Variants in ASIP observed in about 807,000 individuals in gnomAD.
ASIP encodes agouti signaling protein, also known as agouti-signaling protein.
In ASIP, 11 loss-of-function variants were observed where a neutral mutation model predicts 10.3. The ratio of observed to expected loss-of-function variants is 1.07; its 90% CI spans 0.68 to 1.78. The LOEUF is 1.78. Among genes scored for constraint, ASIP ranks in the 40% most tolerant of loss-of-function variants. The pLI is 0.00. For missense variants in ASIP, 180 were observed against 169.2 expected (o/e 1.06, Z -0.35); for synonymous variants, 70 against 70.8 (o/e 0.99, Z 0.06).
intron 1 of ASIP, among the ~76,000 whole-genome samples, chr20:34,252,655 G>C (rs571673162): frequency 6.6e-6 from 1 of 152,082 alleles, no homozygotes; most frequent in Non-Finnish European, 1.5e-5. Context: ...CTGCAAAGAG[G>C]CCTCCCTCTT....
Position 34,269,030 on chromosome 20 carries a change from C to G in ASIP, c.262C>G (p.Pro88Ala), listed in dbSNP as rs780888249. ...GAAGAAAGTGGTGCGGCCCCGGACC[C>G]CCCTATCTGCGCCCTGCGTGGCCAC... is the stretch of plus-strand genomic sequence containing the variant. ...SMKKVVRPRT[P>A]LSAPCVATRN... The change falls in exon 4 of 4, where the codon CCC becomes GCC. Residue 88 changes from proline to alanine, a missense_variant. By Grantham distance (27) the Pro-to-Ala change is conservative. Transcript: ENST00000374954. 8 of 1,607,874 alleles carry G rather than the reference C, an allele frequency of 5.0e-6. No homozygotes were observed. In the South Asian group the frequency reaches 6.7e-5, roughly 13 times the overall value.
chr20:34,220,816 T>C (rs2035041430), intron 1 of ASIP, among the ~76,000 whole-genome samples: 1 of 152,078 alleles, frequency 6.6e-6, no homozygotes, highest in African/African-American at 2.4e-5. Flanking sequence ...CAATGACTCA[T>C]GATTGATGTA....
chr20:34,269,328 A>AAT lies in ASIP; in HGVS notation c.*169_*170dup. ...CTGGCTTGGGCTAAAATCGAAATAC[A>AAT]ATATATATAGGCTGCTCGAAGGTGT... On this transcript the variant is annotated 3_prime_UTR_variant, in exon 4 of 4. Transcript: ENST00000374954. 6.5e-6 allele frequency: 6 copies of AAT among 918,954 alleles called. No individual in the cohort carries two copies. Among genetic ancestry groups the AAT allele is most frequent in the Non-Finnish European group, 9.3e-6 (6 of 643,880 alleles). The allele number at this position is 918,954 out of a possible 1,614,324, so 56.9% of individuals were successfully genotyped here.
chr20:34,233,128 T>C (rs1404192888), intron 1 of ASIP, among the ~76,000 whole-genome samples: 1 of 148,566 alleles, frequency 6.7e-6, no homozygotes, highest in Non-Finnish European at 1.5e-5. Context: ...GAGTCAACTG[T>C]GAATGGGACA....
At chr20:34,193,432 C>A (rs1568742262), upstream of ASIP, among the ~76,000 whole-genome samples, 9 of 146,696 alleles carry the variant, frequency 6.1e-5, no homozygotes. Flanking sequence ...TTTCTTCCAT[C>A]TTTTTTTTTT....
intron 1 of ASIP, among the ~76,000 whole-genome samples, chr20:34,198,600 C>T (rs1261943376): frequency 2.6e-5 from 4 of 152,172 alleles, no homozygotes; most frequent in South Asian, 2.1e-4. Flanking sequence ...GATCCTCCCC[C>T]TCAGGTTCCC....
intron 1 of ASIP, chr20:34,215,737 T>C (rs1208633244): frequency 4.1e-6 from 6 of 1,468,600 alleles, no homozygotes; most frequent in African/African-American, 1.4e-5. Flanking sequence ...AGAAAAACTT[T>C]ACATGATCAT....
chr20:34,246,884 C>T (rs1221910532), intron 1 of ASIP, among the ~76,000 whole-genome samples: 1 of 152,144 alleles, frequency 6.6e-6, no homozygotes, highest in South Asian at 2.1e-4. Flanking sequence ...CTTTCCTTTT[C>T]TGCCTGTTTT....
chr20:34,193,248 C>T (rs766956784), upstream of ASIP, among the ~76,000 whole-genome samples: 3 of 152,242 alleles, frequency 2.0e-5, no homozygotes, highest in Non-Finnish European at 4.4e-5. Context: ...AGCATTTCTA[C>T]AACCTCTTTA....
chr20:34,235,981 A>AAGGAAGGAGGAGGGAGGGAAGC (rs796476399), intron 1 of ASIP, among the ~76,000 whole-genome samples: 2 of 99,494 alleles, frequency 2.0e-5, no homozygotes, highest in South Asian at 2.9e-4. Context: ...GGGAGGGAAG[A>AAGGAAGGAGGAGGGAGGGAAGC]AGGAAAGAAG....
intron 1 of ASIP, among the ~76,000 whole-genome samples, chr20:34,253,116 AT>A (rs1044935696): frequency 1.5e-4 from 22 of 143,096 alleles, no homozygotes; most frequent in Admixed American, 2.8e-4. Context: ...TTTTTTTTTT[AT>A]TTTTTTTTTA....
chr20:34,236,006 GAGAGAA>G (rs1455639951), intron 1 of ASIP, among the ~76,000 whole-genome samples: 3 of 112,910 alleles, frequency 2.7e-5, no homozygotes, highest in African/African-American at 1.7e-4. Context: ...GAAGGAGAAA[GAGAGAA>G]AGAGAGAGAG....
chr20:34,268,920 C>T (rs2035837717), intron 3 of ASIP, 71 bp from the exon 4 acceptor site: 1 of 1,526,950 alleles, frequency 6.5e-7, no homozygotes, highest in East Asian at 2.5e-5. Flanking sequence ...GCCCGAGGAG[C>T]TCCCAGGCAG....
intron 1 of ASIP, among the ~76,000 whole-genome samples, chr20:34,222,659 C>T (rs1188619347): frequency 6.6e-6 from 1 of 152,154 alleles, no homozygotes; most frequent in Non-Finnish European, 1.5e-5. Flanking sequence ...TCTCCCTCTC[C>T]CTCTCCCCAC....
intron 1 of ASIP, among the ~76,000 whole-genome samples, chr20:34,248,524 C>T (rs1039798203): frequency 6.6e-6 from 1 of 152,106 alleles, no homozygotes; most frequent in Non-Finnish European, 1.5e-5. Context: ...ATATTCAGGT[C>T]AGGCACGATG....
intron 1 of ASIP, among the ~76,000 whole-genome samples, chr20:34,257,070 C>CTTTTTTTTTTTTTTTTTTTTTTTTTT (rs56227909): frequency 1.4e-5 from 2 of 139,424 alleles, no homozygotes; most frequent in East Asian, 2.0e-4. Context: ...CTTTCTTTCT[C>CTTTTTTTTTTTTTTTTTTTTTTTTTT]TTTTTTTTTT....
rs6088437 is a variant in ASIP, at chr20:34,222,485, G to A, written c.-11+27725G>A. 8.0e-3 allele frequency among the ~76,000 whole-genome samples: 1,220 copies of A among 152,274 alleles called. 11 individuals carry two copies. The highest frequency in any genetic ancestry group is 0.013 in the Non-Finnish European group (869 of 68,018). ...TGAAACTAGATGCAGAACAGATGTC[G>A]TTGTAGAAGCCTAACATGCAGAGAA... On this transcript the variant is annotated intron_variant, in intron 1 of 3. Coordinates refer to the ASIP transcript ENST00000568305.
At chr20:34,265,671 C>T (rs2035771596) in intron 3 of ASIP, among the ~76,000 whole-genome samples, 1 of 152,004 alleles carries the variant, frequency 6.6e-6, no homozygotes, top group Non-Finnish European at 1.5e-5. Context: ...TAAAGTTGGC[C>T]GGGCACAGTG....
At chr20:34,254,155 T>C (rs777907526) in intron 1 of ASIP, among the ~76,000 whole-genome samples, 3 of 151,874 alleles carry the variant, frequency 2.0e-5, no homozygotes, top group Non-Finnish European at 4.4e-5. Flanking sequence ...CTCTGCCTCC[T>C]GGATTCAAGT....
Sources: allele counts gnomAD v4.1 joint callset (sites outside exome capture counted in the v4.1 genomes callset), GRCh38; gene constraint gnomAD v4.1.1; transcripts MANE v1.5; gene names NCBI Gene and HGNC (gene_info 2026-07-23, HGNC 2026-07-21).